PDE5A: variants seen among roughly 807,000 people sequenced by gnomAD.
PDE5A encodes phosphodiesterase 5A, also known as cGMP-specific 3',5'-cyclic phosphodiesterase.
PDE5A carries 67 observed loss-of-function variants against 110.2 expected under a neutral mutation model. The observed-to-expected ratio is 0.61, with a 90% CI of 0.50 to 0.75. PDE5A has a LOEUF of 0.75. Among genes scored for constraint, PDE5A ranks in the 30% least tolerant of loss-of-function variants. PDE5A has a pLI of 0.00. For synonymous variants in PDE5A, 328 were observed against 351.2 expected (o/e 0.93, Z 0.74); for missense variants, 862 against 1,045.1 (o/e 0.82, Z 2.42).
intron 1 of PDE5A, among the ~76,000 whole-genome samples, chr4:119,608,677 A>G (rs1298634956): frequency 6.6e-6 from 1 of 152,242 alleles, no homozygotes; most frequent in Non-Finnish European, 1.5e-5. Context: ...CAAAAGATAA[A>G]AAGTTGCTAT....
Position 119,594,376 on chromosome 4 carries a change from T to A in PDE5A, c.831+2147A>T, listed in dbSNP as rs183816337. Among the ~76,000 whole-genome samples, 889 of 152,292 alleles carry A rather than the reference T, an allele frequency of 5.8e-3. 25 individuals carry two copies. Among genetic ancestry groups the A allele is most frequent in the Admixed American group, 0.05 (761 of 15,290 alleles). On this transcript the variant is annotated intron_variant, in intron 3 of 20. Transcript: ENST00000354960. ...TCCCTTTGCCGGTACAAAGCTGTTTTGGGGGCCACGATTTTAAAATATCCT... is the reference window on the plus strand; with the variant it reads ...TCCCTTTGCCGGTACAAAGCTGTTTAGGGGGCCACGATTTTAAAATATCCT...
intron 11 of PDE5A, among the ~76,000 whole-genome samples, chr4:119,529,073 A>G (rs1386961099): frequency 2.0e-5 from 3 of 152,026 alleles, no homozygotes; most frequent in Non-Finnish European, 4.4e-5. Flanking sequence ...TCTTATTGCA[A>G]TAATGTTCTA....
rs957699331 is a variant in PDE5A, at chr4:119,497,291, C to T, written c.*1310G>A. Reference sequence around the variant, plus strand: ...AAATTTTCCTTTCCTAGACCAGTTGCTTAATTCATTATCTACTTCTCCAAT... The same window carrying T: ...AAATTTTCCTTTCCTAGACCAGTTGTTTAATTCATTATCTACTTCTCCAAT... On this transcript the variant is annotated 3_prime_UTR_variant, in exon 21 of 21. Coordinates refer to ENST00000354960, the MANE Select transcript of PDE5A (RefSeq NM_001083.4). 2 of 152,104 alleles carry T rather than the reference C, an allele frequency of 1.3e-5. No individual in the cohort carries two copies. The highest frequency in any genetic ancestry group is 4.8e-5 in the African/African-American group (2 of 41,422). 9.4% of individuals were successfully genotyped at this position (152,104 alleles called of 1,614,324 possible). A position where few individuals can be genotyped will look rare whatever the true frequency, so the allele number is the denominator to read the frequency against.
intron 3 of PDE5A, among the ~76,000 whole-genome samples, chr4:119,580,977 C>T (rs187715348): frequency 5.9e-4 from 90 of 152,332 alleles, no homozygotes; most frequent in African/African-American, 1.9e-3. Context: ...TCCTGCCTGA[C>T]GCCAGGTGTT....
intron 8 of PDE5A, 87 bp from the exon 9 acceptor site, chr4:119,552,724 T>C: frequency 1.6e-6 from 1 of 642,252 alleles, no homozygotes; most frequent in South Asian, 2.2e-5. Context: ...TATGACACAT[T>C]TGAAAGCACT....
At chr4:119,523,967 C>T (rs1319135076) in intron 12 of PDE5A, among the ~76,000 whole-genome samples, 2 of 151,932 alleles carry the variant, frequency 1.3e-5, no homozygotes, top group East Asian at 1.9e-4. Flanking sequence ...TCAATAGATA[C>T]GGCTTTAAAA....
intron 20 of PDE5A, chr4:119,500,675 C>CG (rs1489133372): frequency 1.3e-5 from 2 of 152,212 alleles, no homozygotes; most frequent in African/African-American, 2.4e-5. Flanking sequence ...TAGGGAGAAT[C>CG]TATTTGCCTA....
chr4:119,542,169 A>G (rs1560608119), intron 10 of PDE5A, among the ~76,000 whole-genome samples: 2 of 152,150 alleles, frequency 1.3e-5, no homozygotes, highest in Non-Finnish European at 2.9e-5. Flanking sequence ...CATCTGTGTC[A>G]ATGGATTATT....
intron 14 of PDE5A, among the ~76,000 whole-genome samples, chr4:119,513,678 C>A (rs2291185): frequency 0.26 from 39,829 of 152,032 alleles, 5,345 homozygotes; most frequent in East Asian, 0.38. Flanking sequence ...TCCTCTTCAA[C>A]CCATCACACT....
chr4:119,548,341 C>A (rs1321835998), intron 9 of PDE5A: 1 of 152,136 alleles, frequency 6.6e-6, no homozygotes, highest in Non-Finnish European at 1.5e-5. Context: ...AGCCACCGCG[C>A]CCAGCCTTCT....
At chr4:119,503,283 AAAAC>A (rs374923835) in intron 18 of PDE5A, among the ~76,000 whole-genome samples, 47 of 152,288 alleles carry the variant, frequency 3.1e-4, no homozygotes, top group East Asian at 2.7e-3. Flanking sequence ...GAAATCTTGA[AAAAC>A]AAAAACACAA....
In PDE5A at chr4:119,565,356, AG is replaced by A; in HGVS notation, c.957del (p.Tyr320MetfsTer20). On this transcript the variant is annotated frameshift_variant, in exon 5 of 21. Coordinates refer to ENST00000354960, the MANE Select transcript of PDE5A (RefSeq NM_001083.4). LOFTEE classifies it high-confidence loss of function. ...FCGIVLHNAQ[L>X]YETSLLENKR... The stretch of plus-strand genomic sequence containing the variant: ...TTGTTCTCCAGCAGTGAAGTCTCAT[AG>A]AGCTGAGCATTATGAAGAACAATAC... 1.2e-6 allele frequency: 2 copies of A among 1,612,572 alleles called. No homozygotes were observed. Among genetic ancestry groups the A allele is most frequent in the Non-Finnish European group, 1.7e-6 (2 of 1,178,962 alleles).
intron 3 of PDE5A, among the ~76,000 whole-genome samples, chr4:119,570,658 A>G (rs1294405823): frequency 6.6e-6 from 1 of 152,176 alleles, no homozygotes; most frequent in Non-Finnish European, 1.5e-5. Flanking sequence ...TTCTTCTTCA[A>G]TAAGCAGCTG....
chr4:119,588,529 A>T lies in PDE5A; in HGVS notation c.831+7994T>A, dbSNP rs1254751806. Among the ~76,000 whole-genome samples, 16 of 4,588 alleles carry T rather than the reference A, an allele frequency of 3.5e-3. No homozygotes were observed. The Admixed American group carries it at 0.052, about 15-fold the overall frequency. 3.0% of individuals were successfully genotyped at this position (4,588 alleles called of 152,430 possible). ...AAGCAAGTATCTTCTTTGCTTCATT[A>T]AAAAAAAAAAAAAAAGAATCTACAA... On this transcript the variant is annotated intron_variant, in intron 3 of 20. Coordinates refer to ENST00000354960, the MANE Select transcript of PDE5A (RefSeq NM_001083.4).
intron 1 of PDE5A, among the ~76,000 whole-genome samples, chr4:119,615,961 T>A (rs931932655): frequency 6.6e-6 from 1 of 152,196 alleles, no homozygotes; most frequent in Non-Finnish European, 1.5e-5. Flanking sequence ...GATAAGAGCC[T>A]GAGTTTTACA....
chr4:119,596,222 A>T (rs1365665175), intron 3 of PDE5A, among the ~76,000 whole-genome samples: 3 of 152,128 alleles, frequency 2.0e-5, no homozygotes, highest in African/African-American at 7.2e-5. Flanking sequence ...CAATGAATTG[A>T]TCCTAATCAC....
chr4:119,575,758 C>A (rs978808509), intron 3 of PDE5A, among the ~76,000 whole-genome samples: 1 of 152,192 alleles, frequency 6.6e-6, no homozygotes, highest in African/African-American at 2.4e-5. Context: ...ACCATCAAGG[C>A]TAGGAAGAAA....
At chr4:119,561,156 A>T (rs917036546) in intron 6 of PDE5A, among the ~76,000 whole-genome samples, 6 of 152,220 alleles carry the variant, frequency 3.9e-5, no homozygotes, top group Non-Finnish European at 8.8e-5. Context: ...AAAATTTTTT[A>T]AATCACATTA....
At chr4:119,544,018 T>C (rs1727044185) in intron 9 of PDE5A, among the ~76,000 whole-genome samples, 1 of 152,144 alleles carries the variant, frequency 6.6e-6, no homozygotes, top group South Asian at 2.1e-4. Context: ...ACTAAAAAAA[T>C]GTTTTCCGAA....
Sources: allele counts gnomAD v4.1 joint callset (sites outside exome capture counted in the v4.1 genomes callset), GRCh38; gene constraint gnomAD v4.1.1; transcripts MANE v1.5; gene names NCBI Gene and HGNC (gene_info 2026-07-23, HGNC 2026-07-21).